Variants in DISC1 observed in about 807,000 individuals in gnomAD.
DISC1 encodes DISC1 scaffold protein, also known as disrupted in schizophrenia 1 protein.
In DISC1, 57 loss-of-function variants were observed where a neutral mutation model predicts 84.5. The observed-to-expected ratio is 0.67, with a 90% CI of 0.55 to 0.84. The LOEUF (loss-of-function observed/expected upper bound fraction) is 0.84, where lower values mean the gene tolerates loss of function less well. Ranked by LOEUF, DISC1 falls within the 40% of genes least tolerant of loss-of-function variation. The pLI, the probability that DISC1 is intolerant of heterozygous loss-of-function variation, is 0.00. For synonymous variants in DISC1, 411 were observed against 415.2 expected (o/e 0.99, Z 0.12); for missense variants, 1,000 against 1,057.8 (o/e 0.95, Z 0.76).
intron 11 of DISC1, among the ~76,000 whole-genome samples, chr1:232,025,817 T>C (rs112299618): frequency 2.1e-4 from 32 of 152,190 alleles, no homozygotes; most frequent in African/African-American, 6.5e-4. Flanking sequence ...AGGATGGTCT[T>C]GATCTCCTGA....
chr1:231,651,854 T>A (rs534822343), intron 1 of DISC1, among the ~76,000 whole-genome samples: 41 of 152,328 alleles, frequency 2.7e-4, no homozygotes, highest in African/African-American at 9.4e-4. Context: ...ACTGCTGAGC[T>A]AGCAGTGAGC....
At chr1:231,673,436 C>T (rs894894387) in intron 1 of DISC1, among the ~76,000 whole-genome samples, 2 of 152,106 alleles carry the variant, frequency 1.3e-5, no homozygotes, top group Non-Finnish European at 2.9e-5. Context: ...GGAGGCTGGG[C>T]TACTCCTCAG....
chr1:231,776,996 A>AT (rs377406925), intron 6 of DISC1, among the ~76,000 whole-genome samples: 72 of 152,280 alleles, frequency 4.7e-4, no homozygotes, highest in African/African-American at 1.7e-3. Context: ...TCCCTGCAGC[A>AT]TATCAGCAGT....
intron 4 of DISC1, among the ~76,000 whole-genome samples, chr1:231,754,976 A>C (rs1199496123): frequency 6.6e-6 from 1 of 152,188 alleles, no homozygotes; most frequent in Non-Finnish European, 1.5e-5. Flanking sequence ...TTCTGTCTCT[A>C]TCACTCCTCA....
chr1:231,628,547 G>A (rs1454043907), intron 1 of DISC1, among the ~76,000 whole-genome samples: 1 of 152,164 alleles, frequency 6.6e-6, no homozygotes, highest in Non-Finnish European at 1.5e-5. Flanking sequence ...TGGGATTACA[G>A]TCCTCATTTC....
rs370666148 is a variant in DISC1, at chr1:232,039,077, T to C, written c.*2246T>C. On this transcript the variant is annotated 3_prime_UTR_variant, in exon 13 of 13. Coordinates refer to ENST00000439617, the MANE Select transcript of DISC1 (RefSeq NM_018662.3). ...ACTCTACATATTTTAATAATAAGTA[T>C]AATTAGCTTGTTCCTGGACTTCATT... 37 of 152,338 alleles carry C rather than the reference T, an allele frequency of 2.4e-4. 1 individual carries two copies. The East Asian group carries it at 6.7e-3, about 28-fold the overall frequency. The allele number at this position is 152,338 out of a possible 1,614,324, so 9.4% of individuals were successfully genotyped here.
intron 12 of DISC1, among the ~76,000 whole-genome samples, chr1:232,029,485 ACTGGT>A (rs1425548380): frequency 2.1e-4 from 32 of 152,318 alleles, no homozygotes; most frequent in Middle Eastern, 3.4e-3. Flanking sequence ...CCAAACTCTG[ACTGGT>A]TTGTATTTCC....
intron 4 of DISC1, among the ~76,000 whole-genome samples, chr1:231,756,407 C>G (rs1315629456): frequency 6.6e-6 from 1 of 152,096 alleles, no homozygotes; most frequent in Admixed American, 6.5e-5. Context: ...TTTCTAGAGA[C>G]TAGAATAGTG....
chr1:231,855,934 C>T (rs73093433), intron 9 of DISC1, among the ~76,000 whole-genome samples: 8,163 of 152,280 alleles, frequency 0.054, 715 homozygotes, highest in African/African-American at 0.18. Context: ...ACTGTTTAAG[C>T]TCAGATCCTA....
chr1:232,018,980 G>A (rs1002667211), intron 11 of DISC1, among the ~76,000 whole-genome samples: 1 of 152,214 alleles, frequency 6.6e-6, no homozygotes, highest in Non-Finnish European at 1.5e-5. Context: ...TCTTGGAAGT[G>A]TAGTCTGAAA....
chr1:231,859,612 A>G (rs138314581), intron 9 of DISC1, among the ~76,000 whole-genome samples: 298 of 152,318 alleles, frequency 2.0e-3, no homozygotes, highest in Non-Finnish European at 3.5e-3. Context: ...GGGCACAAAC[A>G]TCAGTCTGTA....
chr1:231,989,064 C>A (rs917225683), intron 10 of DISC1, among the ~76,000 whole-genome samples: 5 of 152,220 alleles, frequency 3.3e-5, no homozygotes, highest in African/African-American at 1.2e-4. Context: ...TCTCATTAAC[C>A]AGTCCTTGCT....
intron 6 of DISC1, among the ~76,000 whole-genome samples, chr1:231,778,072 G>C (rs1573738342): frequency 6.6e-6 from 1 of 152,256 alleles, no homozygotes; most frequent in South Asian, 2.1e-4. Context: ...AAAAGAGAAT[G>C]GATGTCCCTC....
chr1:231,690,022 C>A (rs1476720378), intron 1 of DISC1, among the ~76,000 whole-genome samples: 1 of 152,182 alleles, frequency 6.6e-6, no homozygotes, highest in Non-Finnish European at 1.5e-5. Context: ...TGACAGGATT[C>A]TTGCTGATCC....
chr1:231,834,954 C>T (rs536008002), intron 9 of DISC1, among the ~76,000 whole-genome samples: 38 of 152,230 alleles, frequency 2.5e-4, no homozygotes, highest in African/African-American at 6.7e-4. Context: ...ACAGATAAAA[C>T]GCGTCTCCTT....
chr1:231,984,439 T>C (rs982596392), intron 10 of DISC1, among the ~76,000 whole-genome samples: 1 of 152,008 alleles, frequency 6.6e-6, no homozygotes, highest in African/African-American at 2.4e-5. Context: ...TTATTATGGA[T>C]TTGAAGAGAT....
chr1:231,847,789 A>G (rs2083569183), intron 9 of DISC1, among the ~76,000 whole-genome samples: 1 of 152,176 alleles, frequency 6.6e-6, no homozygotes, highest in South Asian at 2.1e-4. Flanking sequence ...CCACCCAGCA[A>G]TGCCAGATCT....
At chr1:231,651,556 AG>A (rs1328241528) in intron 1 of DISC1, among the ~76,000 whole-genome samples, 3 of 152,188 alleles carry the variant, frequency 2.0e-5, no homozygotes, top group Non-Finnish European at 2.9e-5. Flanking sequence ...GAGCCACTTG[AG>A]GAGGCAGTCT....
At chr1:231,969,127 G>A (rs894579039) in intron 10 of DISC1, among the ~76,000 whole-genome samples, 1 of 146,212 alleles carries the variant, frequency 6.8e-6, no homozygotes, top group African/African-American at 2.5e-5. Flanking sequence ...ATGTTTGCTT[G>A]TAGCTAATAC....
Sources: gnomAD v4.1 joint callset for allele counts (sites outside exome capture counted in the v4.1 genomes callset) on GRCh38, gnomAD v4.1.1 for gene constraint, MANE v1.5 for transcripts, NCBI Gene and HGNC (gene_info 2026-07-23, HGNC 2026-07-21) for gene names.